NELL2: variants seen among roughly 807,000 people sequenced by gnomAD.
NELL2 encodes the protein protein kinase C-binding protein NELL2.
NELL2 carries 41 observed loss-of-function variants against 109.6 expected under a neutral mutation model. That is an observed-to-expected ratio of 0.37 (90% CI 0.29 to 0.49). The LOEUF is 0.49. Among genes scored for constraint, NELL2 ranks in the 20% least tolerant of loss-of-function variants. The pLI, the probability that NELL2 is intolerant of heterozygous loss-of-function variation, is 0.98. For missense variants in NELL2, 900 were observed against 1,008.3 expected (o/e 0.89, Z 1.45); for synonymous variants, 355 against 344.7 (o/e 1.03, Z -0.33).
chr12:44,737,790 C>G (rs181454468), intron 9 of NELL2, among the ~76,000 whole-genome samples: 61 of 152,204 alleles, frequency 4.0e-4, no homozygotes, highest in Admixed American at 1.0e-3. Flanking sequence ...TGCATACCTT[C>G]CCCTGGTATC....
chr12:44,593,869 C>G (rs1944854149), intron 15 of NELL2, among the ~76,000 whole-genome samples: 1 of 152,124 alleles, frequency 6.6e-6, no homozygotes, highest in African/African-American at 2.4e-5. Context: ...ATAGCAAAGT[C>G]TTGGAACCAA....
At chr12:44,658,488 T>C (rs1947594303) in intron 13 of NELL2, among the ~76,000 whole-genome samples, 1 of 152,066 alleles carries the variant, frequency 6.6e-6, no homozygotes, top group African/African-American at 2.4e-5. Context: ...ATAGGAAGAA[T>C]CAATATCATG....
intron 15 of NELL2, among the ~76,000 whole-genome samples, chr12:44,545,990 T>C (rs1455089216): frequency 6.6e-6 from 1 of 152,140 alleles, no homozygotes; most frequent in African/African-American, 2.4e-5. Context: ...TATGGTGTCT[T>C]TGTATAATAG....
chr12:44,614,442 AT>A (rs1011516426), intron 13 of NELL2, among the ~76,000 whole-genome samples: 26 of 152,150 alleles, frequency 1.7e-4, no homozygotes, highest in African/African-American at 6.0e-4. Context: ...GTTAGAAAAT[AT>A]TTTTCCCTGT....
At chr12:44,644,629 TACA>T (rs1264890717) in intron 13 of NELL2, among the ~76,000 whole-genome samples, 1 of 92,442 alleles carries the variant, frequency 1.1e-5, no homozygotes. Context: ...TATATATACA[TACA>T]TATATATATA....
intron 12 of NELL2, among the ~76,000 whole-genome samples, chr12:44,668,588 G>T (rs1359147797): frequency 5.3e-5 from 8 of 151,608 alleles, no homozygotes; most frequent in Non-Finnish European, 1.2e-4. Flanking sequence ...TCACAATCTG[G>T]ACATCATCCC....
intron 13 of NELL2, among the ~76,000 whole-genome samples, chr12:44,652,936 T>C (rs1304225270): frequency 6.6e-6 from 1 of 152,200 alleles, no homozygotes; most frequent in Non-Finnish European, 1.5e-5. Flanking sequence ...CTCTGACCAG[T>C]CTTCCATAGT....
At chr12:44,751,435 C>T (rs1353440853) in intron 9 of NELL2, among the ~76,000 whole-genome samples, 3 of 152,002 alleles carry the variant, frequency 2.0e-5, no homozygotes, top group African/African-American at 7.3e-5. Flanking sequence ...CATAGTTTAT[C>T]TTCCTTCTTA....
intron 3 of NELL2, among the ~76,000 whole-genome samples, chr12:44,808,189 C>A (rs373832426): frequency 6.6e-6 from 1 of 151,902 alleles, no homozygotes; most frequent in Non-Finnish European, 1.5e-5. Flanking sequence ...GGACTGCTGA[C>A]AGGAAGGGAA....
chr12:44,921,254 G>A (rs1248624337), intron 1 of NELL2, among the ~76,000 whole-genome samples: 2 of 152,020 alleles, frequency 1.3e-5, no homozygotes, highest in Non-Finnish European at 2.9e-5. Context: ...TGTGCAAATC[G>A]TGGTCTAATT....
rs1446079402 is a variant in NELL2, at chr12:44,566,843, T to C, written c.1664-34122A>G. On this transcript the variant is annotated intron_variant, in intron 15 of 19. Transcript: ENST00000429094. The stretch of plus-strand genomic sequence containing the variant: ...TGCATTTTTTTTTTTTTAGATGGAG[T>C]CTCTGTCGCCCAGGCTGCAGTGCAA... 2.6e-5 allele frequency among the ~76,000 whole-genome samples: 4 copies of C among 151,482 alleles called. No individual in the cohort carries two copies. The East Asian group carries it at 7.8e-4, about 30-fold the overall frequency.
chr12:44,587,284 A>AAAAAATATAT, intron 15 of NELL2, among the ~76,000 whole-genome samples: 5 of 72,214 alleles, frequency 6.9e-5, no homozygotes, highest in East Asian at 5.7e-4. Flanking sequence ...AAAAAAAAAA[A>AAAAAATATAT]ATATATATAT....
In NELL2 at chr12:44,607,231, G is replaced by C. The variant is rs188047802; in HGVS notation, c.1601C>G (p.Ala534Gly). ...FCKDGCRNGGACIAANVCACP... is the reference protein window; with the variant it reads ...FCKDGCRNGGGCIAANVCACP... ...GGCACACACATTAGCGGCAATACAGGCTCCTCCATTCCTACAGCCATCTTT... is the reference window on the plus strand; with the variant it reads ...GGCACACACATTAGCGGCAATACAGCCTCCTCCATTCCTACAGCCATCTTT... The change falls in exon 15 of 20, where the codon GCC (alanine) becomes GGC (glycine). Residue 534 changes from alanine to glycine, a missense_variant. Transcript: ENST00000429094. 2.7e-5 allele frequency: 43 copies of C among 1,612,536 alleles called. No homozygotes were observed. In the Middle Eastern group the frequency reaches 8.3e-4, roughly 31 times the overall value.
rs142456539 is a variant in NELL2 at position 44,887,237 on chromosome 12, G to A, written c.39-11337C>T. Among the ~76,000 whole-genome samples, 351 of 151,938 alleles carry A rather than the reference G, an allele frequency of 2.3e-3. 6 individuals carry two copies. The highest frequency in any genetic ancestry group is 7.3e-3 in the African/African-American group (300 of 41,318). On this transcript the variant is annotated intron_variant, in intron 1 of 20. Coordinates refer to the NELL2 transcript ENST00000333837. ...TCACTATATTCCACCGGCTGGTCTC[G>A]AACTCCTGGGCTTAAGCGAACTTCC...
intron 2 of NELL2, among the ~76,000 whole-genome samples, chr12:44,845,402 G>A (rs1449848139): frequency 2.6e-5 from 4 of 152,130 alleles, no homozygotes; most frequent in African/African-American, 7.2e-5. Context: ...AGTGCATAGC[G>A]TACAGTGGCT....
intron 12 of NELL2, among the ~76,000 whole-genome samples, chr12:44,687,330 G>A (rs928566972): frequency 4.6e-5 from 7 of 152,156 alleles, no homozygotes; most frequent in Admixed American, 6.5e-5. Context: ...AGATGAACCC[G>A]GTACCTCAGG....
intron 12 of NELL2, 54 bp downstream of exon 12, chr12:44,703,672 G>A: frequency 3.8e-6 from 6 of 1,593,572 alleles, no homozygotes; most frequent in Middle Eastern, 1.7e-4. Flanking sequence ...AATTTTGCAT[G>A]CAGTAATCCT....
intron 9 of NELL2, among the ~76,000 whole-genome samples, chr12:44,772,468 G>A (rs1366844341): frequency 6.6e-6 from 1 of 152,164 alleles, no homozygotes; most frequent in Non-Finnish European, 1.5e-5. Context: ...TATTGTCAGT[G>A]ACTTATTTTT....
intron 2 of NELL2, among the ~76,000 whole-genome samples, chr12:44,866,505 A>G (rs1945004556): frequency 6.6e-6 from 1 of 152,174 alleles, no homozygotes; most frequent in African/African-American, 2.4e-5. Context: ...GTTTATAGCA[A>G]CAAATGCCTA....
Sources: allele counts gnomAD v4.1 joint callset (sites outside exome capture counted in the v4.1 genomes callset), GRCh38; gene constraint gnomAD v4.1.1; transcripts MANE v1.5; gene names NCBI Gene and HGNC (gene_info 2026-07-23, HGNC 2026-07-21).